ATXN1: variants seen among roughly 807,000 people sequenced by gnomAD.
The protein encoded by ATXN1 is ataxin 1.
A neutral mutation model predicts 56.4 loss-of-function variants in ATXN1; 8 were observed. That is an observed-to-expected ratio of 0.14 (90% CI 0.08 to 0.26). ATXN1 has a LOEUF of 0.26. ATXN1 is among the 10% of genes least tolerant of loss of function. The probability of loss-of-function intolerance (pLI) is 1.00; values close to 1 mark genes in which losing one functional copy is unlikely to be tolerated. For synonymous variants in ATXN1, 514 were observed against 494.6 expected, an observed-to-expected ratio of 1.04 and a Z score of -0.52; for missense variants, 987 against 1,106.5, an observed-to-expected ratio of 0.89 and a Z score of 1.53.
Position 16,631,405 on chromosome 6 carries a change from C to G in ATXN1, c.-489+26371G>C, listed in dbSNP as rs571256482. Among the ~76,000 whole-genome samples the G allele has an allele frequency of 5.9e-5, 9 of 152,330 alleles. No homozygotes were observed. The South Asian group carries it at 6.2e-4, about 11-fold the overall frequency. Reference sequence around the variant, plus strand: ...GCAAATCTCGCTATCTGCTTTCACTCACTGACACCTATATTTGCCCCTTGA... The same window carrying G: ...GCAAATCTCGCTATCTGCTTTCACTGACTGACACCTATATTTGCCCCTTGA... On this transcript the variant is annotated intron_variant, in intron 3 of 7. Transcript: ENST00000436367.
intron 5 of ATXN1, among the ~76,000 whole-genome samples, chr6:16,497,109 A>G (rs927348638): frequency 2.0e-5 from 3 of 152,202 alleles, no homozygotes; most frequent in Non-Finnish European, 4.4e-5. Context: ...AAAACAATGG[A>G]ATTCTCCCGG....
intron 2 of ATXN1, among the ~76,000 whole-genome samples, chr6:16,672,355 C>T (rs719315): frequency 0.18 from 28,018 of 152,104 alleles, 2,894 homozygotes; most frequent in East Asian, 0.32. Context: ...TTTTAAAAAC[C>T]CATTTTTATA....
chr6:16,748,979 T>C (rs1236829730), intron 2 of ATXN1, among the ~76,000 whole-genome samples: 1 of 152,244 alleles, frequency 6.6e-6, no homozygotes, highest in Non-Finnish European at 1.5e-5. Context: ...AGACTAACTT[T>C]CTCCCCAGAC....
intron 6 of ATXN1, among the ~76,000 whole-genome samples, chr6:16,345,019 T>A (rs1294072014): frequency 6.6e-6 from 1 of 152,230 alleles, no homozygotes; most frequent in Non-Finnish European, 1.5e-5. Context: ...TAGGGTGCTG[T>A]CCGTCCTTGG....
At chr6:16,543,609 C>A (rs1004678177) in intron 4 of ATXN1, among the ~76,000 whole-genome samples, 1 of 140,512 alleles carries the variant, frequency 7.1e-6, no homozygotes, top group Non-Finnish European at 1.5e-5. Flanking sequence ...GTGTTCTAAC[C>A]ACTACCATTT....
intron 2 of ATXN1, among the ~76,000 whole-genome samples, chr6:16,719,876 A>T (rs373951074): frequency 6.6e-6 from 1 of 152,208 alleles, no homozygotes; most frequent in Non-Finnish European, 1.5e-5. Context: ...GGTTCTCCCA[A>T]CAGAGCTTCG....
intron 6 of ATXN1, among the ~76,000 whole-genome samples, chr6:16,470,028 C>T (rs911047430): frequency 2.6e-5 from 4 of 151,554 alleles, no homozygotes; most frequent in African/African-American, 9.7e-5. Context: ...GATATTTGCA[C>T]ACTCATATCC....
intron 7 of ATXN1, among the ~76,000 whole-genome samples, chr6:16,318,544 C>A (rs555039593): frequency 6.6e-6 from 1 of 152,130 alleles, no homozygotes; most frequent in Non-Finnish European, 1.5e-5. Flanking sequence ...CCATTTACTG[C>A]AATGTTTAAA....
chr6:16,673,338 G>C (rs1758587139), intron 2 of ATXN1, among the ~76,000 whole-genome samples: 1 of 152,176 alleles, frequency 6.6e-6, no homozygotes, highest in Non-Finnish European at 1.5e-5. Context: ...CATAAAGACA[G>C]AATCCCAAAT....
chr6:16,737,236 G>T (rs1237179792), intron 2 of ATXN1: 1 of 152,182 alleles, frequency 6.6e-6, no homozygotes, highest in African/African-American at 2.4e-5. Flanking sequence ...TTGGTTCAGA[G>T]GACCCATTTG....
At chr6:16,487,503 T>A (rs1374227452) in intron 5 of ATXN1, among the ~76,000 whole-genome samples, 1 of 152,206 alleles carries the variant, frequency 6.6e-6, no homozygotes, top group Non-Finnish European at 1.5e-5. Flanking sequence ...TGTCTGCTAC[T>A]CACATAATTA....
At chr6:16,673,020 CAAAAAAAAAA>C (rs559212594) in intron 2 of ATXN1, among the ~76,000 whole-genome samples, 1 of 105,572 alleles carries the variant, frequency 9.5e-6, no homozygotes, top group Admixed American at 1.1e-4. Context: ...TCCCCCCCGC[CAAAAAAAAAA>C]AAAAAAGAAA....
At chr6:16,678,807 G>A (rs539880192) in intron 2 of ATXN1, among the ~76,000 whole-genome samples, 28 of 152,238 alleles carry the variant, frequency 1.8e-4, no homozygotes, top group Non-Finnish European at 2.9e-4. Flanking sequence ...AGGCCGAGGC[G>A]GGTGGATCAC....
intron 4 of ATXN1, among the ~76,000 whole-genome samples, chr6:16,523,117 G>A (rs1354868426): frequency 1.3e-5 from 2 of 152,102 alleles, no homozygotes; most frequent in African/African-American, 2.4e-5. Context: ...GCCCAGGCTG[G>A]TCTTGAACTC....
At chr6:16,759,736 G>C (rs1170250358) in intron 1 of ATXN1, among the ~76,000 whole-genome samples, 2 of 150,906 alleles carry the variant, frequency 1.3e-5, no homozygotes, top group Non-Finnish European at 3.0e-5. Flanking sequence ...GCAGAGTCTC[G>C]ATCACCACCC....
At chr6:16,566,710 G>C (rs1762228540) in intron 4 of ATXN1, among the ~76,000 whole-genome samples, 1 of 151,966 alleles carries the variant, frequency 6.6e-6, no homozygotes, top group South Asian at 2.1e-4. Flanking sequence ...AAAAAAATTA[G>C]CCGGGCATGG....
In ATXN1 at chr6:16,382,184, A is replaced by C. The variant is rs141718507; in HGVS notation, c.-160-53714T>G. On this transcript the variant is annotated intron_variant, in intron 6 of 7. Coordinates refer to ENST00000436367, the MANE Select transcript of ATXN1 (RefSeq NM_001128164.2). ...CATAGCAAGACCCCATCTATACAAGAAGCTTAAAAAAATAGCCAGGCAGGA... is the reference window on the plus strand; with the variant it reads ...CATAGCAAGACCCCATCTATACAAGCAGCTTAAAAAAATAGCCAGGCAGGA... Among the ~76,000 whole-genome samples the C allele has an allele frequency of 1.5e-3, 229 of 152,124 alleles. 2 individuals are homozygous for C. Among genetic ancestry groups the C allele is most frequent in the African/African-American group, 5.2e-3 (216 of 41,490 alleles).
At chr6:16,436,858 G>A (rs537411480) in intron 6 of ATXN1, among the ~76,000 whole-genome samples, 18 of 152,194 alleles carry the variant, frequency 1.2e-4, no homozygotes, top group Non-Finnish European at 2.1e-4. Context: ...CATGCTGGCT[G>A]TTGCATGGAG....
intron 6 of ATXN1, among the ~76,000 whole-genome samples, chr6:16,483,207 T>C (rs1359212334): frequency 1.3e-5 from 2 of 152,086 alleles, no homozygotes; most frequent in Non-Finnish European, 2.9e-5. Context: ...GGTGGCAGAT[T>C]TGAGAGGCAG....
Sources: allele counts gnomAD v4.1 joint callset (sites outside exome capture counted in the v4.1 genomes callset), GRCh38; gene constraint gnomAD v4.1.1; transcripts MANE v1.5; gene names NCBI Gene and HGNC (gene_info 2026-07-23, HGNC 2026-07-21).